The following RNH1 variants were observed in gnomAD, a reference collection of about 807,000 sequenced individuals.
The protein encoded by RNH1 is ribonuclease inhibitor.
In RNH1, 38 loss-of-function variants were observed where a neutral mutation model predicts 46.1. The ratio of observed to expected loss-of-function variants is 0.82; its 90% confidence interval spans 0.64 to 1.08. RNH1 has a LOEUF of 1.08. RNH1 is among the 50% of genes least tolerant of loss of function. The pLI, the probability that RNH1 is intolerant of heterozygous loss-of-function variation, is 0.00. For missense variants in RNH1, 577 were observed against 590.7 expected, an observed-to-expected ratio of 0.98 and a Z score of 0.24; for synonymous variants, 319 against 279.1, an observed-to-expected ratio of 1.14 and a Z score of -1.43.
intron 4 of RNH1, 99 bp downstream of exon 4, chr11:500,385 C>T: frequency 5.8e-6 from 8 of 1,381,064 alleles, no homozygotes; most frequent in Non-Finnish European, 7.9e-6. Flanking sequence ...TGCCTGTCCA[C>T]CTGCAGCTGC....
In RNH1 at chr11:502,083, A is replaced by G; in HGVS notation, c.80T>C (p.Leu27Pro). ...DARWAELLPLLQQCQVVRLDD... is the reference protein window; with the variant it reads ...DARWAELLPLPQQCQVVRLDD... ...GTACCTGACCACTTGGCACTGCTGG[A>G]GCAGAGGGAGGAGCTCGGCCCATCT... Residue 27 changes from leucine (L) to proline (P), a missense_variant, in exon 3 of 11, where the codon CTC becomes CCC. Leu to Pro is a moderately conservative substitution (Grantham distance 98). Transcript: ENST00000354420. This position sits in a 1 kb window ranked among gnomAD's most constrained non-coding sequence, Gnocchi z 5.8. 1 of 1,611,766 alleles carries G rather than the reference A, an allele frequency of 6.2e-7. No homozygotes were observed. The highest frequency in any genetic ancestry group is 1.1e-5 in the South Asian group (1 of 90,716).
rs774391394 is a variant in RNH1 at position 494,716 on chromosome 11, T to C, written c.1361A>G (p.Lys454Arg). ...TCAGGAGATGACCCTCAGGGATGGC[T>C]TGTCCTTCTCCAGGGCCTGCAGCCG... ...EDRLQALEKDKPSLRVIS is the reference protein window; with the variant it reads ...EDRLQALEKDRPSLRVIS The change falls in exon 11 of 11, where the codon AAG (lysine) becomes AGG (arginine). Residue 454 changes from lysine to arginine, a missense_variant. Lys to Arg is a conservative substitution (Grantham distance 26). Transcript: ENST00000354420. 1.2e-6 allele frequency: 2 copies of C among 1,613,738 alleles called. No individual in the cohort carries two copies. The highest frequency in any genetic ancestry group is 2.2e-5 in the South Asian group (2 of 91,084).
At chr11:504,778 G>T in intron 2 of RNH1, 46 bp downstream of exon 2, 1 of 152,408 alleles carries the variant, frequency 6.6e-6, no homozygotes, top group Non-Finnish European at 1.5e-5. Context: ...CCTCCCACAA[G>T]CAGGCCGGAT....
At position 494,671 on chromosome 11, in the gene RNH1, G is replaced by C. The variant is rs755029967; in HGVS notation, c.*20C>G. On this transcript the variant is annotated 3_prime_UTR_variant, in exon 11 of 11. Coordinates refer to ENST00000354420, the MANE Select transcript of RNH1 (RefSeq NM_203387.3). Reference sequence around the variant, plus strand: ...TGCCTCGAGGCCGGTCGTCCAGGGAGAGCAGCAGCAGGAAGAGCCTCAGGA... The same window carrying C: ...TGCCTCGAGGCCGGTCGTCCAGGGACAGCAGCAGCAGGAAGAGCCTCAGGA... 1.2e-6 allele frequency: 2 copies of C among 1,611,686 alleles called. No individual in the cohort carries two copies. Among genetic ancestry groups the C allele is most frequent in the African/African-American group, 1.3e-5 (1 of 74,878 alleles).
At chr11:495,516 G>C (rs1045179327) in intron 9 of RNH1, among the ~76,000 whole-genome samples, 1 of 152,184 alleles carries the variant, frequency 6.6e-6, no homozygotes, top group African/African-American at 2.4e-5. Flanking sequence ...AGACAAAAGA[G>C]GATGGGATAG....
At position 494,689 on chromosome 11, in the gene RNH1, C is replaced by T. The variant is rs1259319433; in HGVS notation, c.*2G>A. 1.9e-6 allele frequency: 3 copies of T among 1,613,522 alleles called. No homozygotes were observed. Among genetic ancestry groups the T allele is most frequent in the Non-Finnish European group, 2.5e-6 (3 of 1,179,788 alleles). On this transcript the variant is annotated 3_prime_UTR_variant, in exon 11 of 11. Coordinates refer to ENST00000354420, the MANE Select transcript of RNH1 (RefSeq NM_203387.3). ...CCAGGGAGAGCAGCAGCAGGAAGAG[C>T]CTCAGGAGATGACCCTCAGGGATGG...
chr11:503,234 G>A, intron 2 of RNH1: 1 of 152,280 alleles, frequency 6.6e-6, no homozygotes, highest in East Asian at 1.9e-4. Context: ...GATCCACTTG[G>A]GGAAATGATG....
Position 498,010 on chromosome 11 carries a change from T to C in RNH1, c.1088A>G (p.Gln363Arg). The change falls in exon 9 of 11, where the codon CAG (glutamine) becomes CGG (arginine). Residue 363 changes from glutamine (Q) to arginine (R), a missense_variant. Gln to Arg is a conservative substitution (Grantham distance 43). Coordinates refer to ENST00000354420, the MANE Select transcript of RNH1 (RefSeq NM_203387.3). ...LEDAGVRELC[Q>R]GLGQPGSVLR... The stretch of plus-strand genomic sequence containing the variant: ...CACAGAGCCAGGCTGGCCCAGGCCC[T>C]GGCACAGCTCCCGCACGCCCGCATC... The C allele has an allele frequency of 6.2e-7, 1 of 1,614,070 alleles. No homozygotes were observed. Among genetic ancestry groups the C allele is most frequent in the Non-Finnish European group, 8.5e-7 (1 of 1,180,018 alleles).
At chr11:497,727 TCACA>T (rs907165969) in intron 9 of RNH1, among the ~76,000 whole-genome samples, 3 of 148,574 alleles carry the variant, frequency 2.0e-5, no homozygotes, top group Non-Finnish European at 4.5e-5. Flanking sequence ...GCCCATGTGC[TCACA>T]CACGGACCCT....
At chr11:495,897 C>T (rs1849010022) in intron 9 of RNH1, among the ~76,000 whole-genome samples, 1 of 152,108 alleles carries the variant, frequency 6.6e-6, no homozygotes. Flanking sequence ...AAGCCCCTGG[C>T]GAGAGGCACA....
intron 9 of RNH1, among the ~76,000 whole-genome samples, chr11:495,957 ACTGG>A (rs766855935): frequency 6.6e-6 from 1 of 152,226 alleles, no homozygotes; most frequent in Non-Finnish European, 1.5e-5. Flanking sequence ...AATTCAGTAG[ACTGG>A]CTGGTAAATG....
At chr11:495,101 G>GCGCT (rs1565012812) in intron 9 of RNH1, 48 bp from the exon 10 acceptor site, 1 of 1,557,826 alleles carries the variant, frequency 6.4e-7, no homozygotes, top group Admixed American at 1.9e-5. Flanking sequence ...GCCTGGCACC[G>GCGCT]CACTGACCGG....
chr11:506,596 C>T (rs61877760), intron 1 of RNH1: 14,838 of 152,322 alleles, frequency 0.097, 997 homozygotes, highest in Admixed American at 0.19. Flanking sequence ...CTCGCACGAC[C>T]AAGACCGCCC....
At chr11:499,668 C>G in intron 5 of RNH1, 161 bp downstream of exon 5, 1 of 850,956 alleles carries the variant, frequency 1.2e-6, no homozygotes, top group Non-Finnish European at 1.9e-6. Flanking sequence ...GAGAGCACCA[C>G]AAGGCCCCAG....
At chr11:498,252 C>T in intron 8 of RNH1, 111 bp from the exon 9 acceptor site, 1 of 1,338,840 alleles carries the variant, frequency 7.5e-7, no homozygotes. Flanking sequence ...CATCTGACAG[C>T]CTCCCAGCAA....
rs1390982516 is a variant in RNH1 at position 498,119 on chromosome 11, C to T, written c.979G>A (p.Ala327Thr). Reference sequence around the variant, plus strand: ...GAGCTGAAGTGGGAGCAGCAGGCGGCTGTGAAGCTGCAGGACTTCACCCTG... The same window carrying T: ...GAGCTGAAGTGGGAGCAGCAGGCGGTTGTGAAGCTGCAGGACTTCACCCTG... ...SLWVKSCSFT[A>T]ACCSHFSSVL... Residue 327 changes from alanine (A) to threonine (T), a missense_variant, in exon 9 of 11, where the codon GCC (alanine) becomes ACC (threonine). Coordinates refer to ENST00000354420, the MANE Select transcript of RNH1 (RefSeq NM_203387.3). The T allele has an allele frequency of 5.0e-6, 8 of 1,613,570 alleles. No individual in the cohort carries two copies. Among genetic ancestry groups the T allele is most frequent in the South Asian group, 1.1e-5 (1 of 91,062 alleles).
rs1178344420 is a variant in RNH1 at position 498,862 on chromosome 11, A to AT, written c.685_686insA (p.Leu229HisfsTer13). On this transcript the variant is annotated frameshift_variant, in exon 7 of 11. Transcript: ENST00000354420. LOFTEE classifies it high-confidence loss of function. The stretch of plus-strand genomic sequence containing the variant: ...GTTGCTGCCCAGGGCCAGCTCCCGC[A>AT]GCGAGGCCTTGGAGGCCACAATGCC... 37 of 1,612,128 alleles carry AT rather than the reference A, an allele frequency of 2.3e-5. No homozygotes were observed. The highest frequency in any genetic ancestry group is 3.0e-5 in the Non-Finnish European group (35 of 1,179,804).
rs1379708706 is a variant in RNH1, at chr11:498,822, C to T, written c.726G>A (p.Val242=). ...LALGSNKLGD[V]GMAELCPGLL... is the part of the protein sequence containing the mutation. Reference sequence around the variant, plus strand: ...GCCCTGGGCACAGCTCCGCCATGCCCACATCACCCAGCTTGTTGCTGCCCA... The same window carrying T: ...GCCCTGGGCACAGCTCCGCCATGCCTACATCACCCAGCTTGTTGCTGCCCA... The change falls in exon 7 of 11, where the codon GTG becomes GTA. Residue 242 remains valine (V), a synonymous_variant. Transcript: ENST00000354420. 2.5e-6 allele frequency: 4 copies of T among 1,609,896 alleles called. No individual in the cohort carries two copies. Among genetic ancestry groups the T allele is most frequent in the South Asian group, 2.2e-5 (2 of 90,964 alleles).
intron 1 of RNH1, chr11:506,089 G>A (rs1032739132): frequency 6.6e-6 from 1 of 152,238 alleles, no homozygotes; most frequent in African/African-American, 2.4e-5. Context: ...ATGTTGGCCA[G>A]GCTGTTCTCG....
Sources: gnomAD v4.1 joint callset for allele counts (sites outside exome capture counted in the v4.1 genomes callset) on GRCh38, gnomAD v4.1.1 for gene constraint, Gnocchi (gnomAD v3.1) non-coding constraint, MANE v1.5 for transcripts, NCBI Gene and HGNC (gene_info 2026-07-23, HGNC 2026-07-21) for gene names.